Variants in PIK3C3 observed in about 807,000 individuals in gnomAD.
PIK3C3 encodes PI3-kinase type 3.
Under a neutral mutation model 126.1 loss-of-function variants are expected in PIK3C3, and 95 were observed. The ratio of observed to expected loss-of-function variants is 0.75; its 90% CI spans 0.64 to 0.89. PIK3C3 has a LOEUF of 0.89. PIK3C3 is among the 40% of genes least tolerant of loss of function. The pLI is 0.00. For missense variants in PIK3C3, 829 were observed against 1,063.2 expected (o/e 0.78, Z 3.06); for synonymous variants, 374 against 360.0 (o/e 1.04, Z -0.44).
At chr18:41,967,627 A>G (rs1417909805) in intron 3 of PIK3C3, among the ~76,000 whole-genome samples, 3 of 152,222 alleles carry the variant, frequency 2.0e-5, no homozygotes, top group African/African-American at 7.2e-5. Context: ...AGAATAGTCT[A>G]ATTAATAATT....
intron 12 of PIK3C3, 104 bp downstream of exon 12, chr18:42,015,670 C>A: frequency 1.3e-6 from 1 of 776,412 alleles, no homozygotes; most frequent in Admixed American, 2.2e-5. Flanking sequence ...CTAAATATTA[C>A]AACTTTATTA....
chr18:41,963,010 A>G (rs1186627517), intron 3 of PIK3C3, among the ~76,000 whole-genome samples: 1 of 152,168 alleles, frequency 6.6e-6, no homozygotes, highest in Admixed American at 6.5e-5. Flanking sequence ...AAAAGCATTC[A>G]TTAGCTAATG....
chr18:41,964,518 TATATC>T (rs1980257813), intron 3 of PIK3C3, among the ~76,000 whole-genome samples: 1 of 152,100 alleles, frequency 6.6e-6, no homozygotes, highest in Non-Finnish European at 1.5e-5. Context: ...TGATAAATAT[TATATC>T]ATATATTTAT....
intron 4 of PIK3C3, among the ~76,000 whole-genome samples, chr18:41,973,305 A>G (rs1980758586): frequency 6.6e-6 from 1 of 151,998 alleles, no homozygotes; most frequent in Non-Finnish European, 1.5e-5. Flanking sequence ...TTGTTTGATT[A>G]GTGCTTGCTT....
chr18:42,031,350 T>C (rs996279874), intron 15 of PIK3C3, among the ~76,000 whole-genome samples: 4 of 152,190 alleles, frequency 2.6e-5, no homozygotes, highest in Non-Finnish European at 5.9e-5. Context: ...TTCGTTGATC[T>C]CTAGTTTAGG....
chr18:41,996,763 TTATC>T (rs1469478279), intron 9 of PIK3C3, 33 bp downstream of exon 9: 2 of 1,024,460 alleles, frequency 2.0e-6, no homozygotes, highest in Non-Finnish European at 2.9e-6. Context: ...TATATCAAAT[TTATC>T]TACCAACTTT....
chr18:42,013,638 T>G lies in PIK3C3; in HGVS notation c.1325+42T>G, dbSNP rs201673088. ...AGGACATATTTTCTAGTTTGTTAATTTTTCCCTTTTCAAATTGTTTTCTCT... is the reference window on the plus strand; with the variant it reads ...AGGACATATTTTCTAGTTTGTTAATGTTTCCCTTTTCAAATTGTTTTCTCT... On this transcript the variant is annotated intron_variant, in intron 11 of 24. Transcript: ENST00000262039. 287 of 1,409,884 alleles carry G rather than the reference T, an allele frequency of 2.0e-4. 1 individual carries two copies. The African/African-American group carries it at 3.9e-3, about 19-fold the overall frequency. The allele number at this position is 1,409,884 out of a possible 1,614,324, so 87.3% of individuals were successfully genotyped here.
chr18:42,078,823 A>G (rs538056546), intron 24 of PIK3C3, among the ~76,000 whole-genome samples: 3 of 152,254 alleles, frequency 2.0e-5, no homozygotes, highest in Admixed American at 6.5e-5. Context: ...AACCTCATCA[A>G]CCAACCTCTG....
intron 13 of PIK3C3, among the ~76,000 whole-genome samples, chr18:42,023,579 C>G (rs1399908701): frequency 6.6e-6 from 1 of 152,170 alleles, no homozygotes; most frequent in Non-Finnish European, 1.5e-5. Flanking sequence ...CCCATATTTA[C>G]AGTCTGCCTA....
intron 21 of PIK3C3, chr18:42,050,754 T>A (rs551906107): frequency 6.6e-6 from 1 of 152,400 alleles, no homozygotes; most frequent in South Asian, 2.1e-4. Flanking sequence ...ACAATTTGAA[T>A]GAAACCTGAA....
intron 7 of PIK3C3, among the ~76,000 whole-genome samples, chr18:41,995,236 T>A (rs913365696): frequency 1.3e-5 from 2 of 151,944 alleles, no homozygotes; most frequent in African/African-American, 2.4e-5. Flanking sequence ...ATTACAGATA[T>A]ATTAAGGCTG....
At chr18:42,042,611 T>G (rs968858981) in intron 19 of PIK3C3, among the ~76,000 whole-genome samples, 1 of 152,244 alleles carries the variant, frequency 6.6e-6, no homozygotes, top group Non-Finnish European at 1.5e-5. Context: ...AAGTTTTTCA[T>G]TACTTACATT....
chr18:42,057,517 C>CTTAA (rs1158500988), intron 21 of PIK3C3: 1 of 184,074 alleles, frequency 5.4e-6, no homozygotes, highest in African/African-American at 2.4e-5. Flanking sequence ...GGGCACTGTG[C>CTTAA]TTAAACTTTA....
At chr18:42,032,588 G>A (rs1983876098) in intron 15 of PIK3C3, among the ~76,000 whole-genome samples, 1 of 151,626 alleles carries the variant, frequency 6.6e-6, no homozygotes, top group African/African-American at 2.4e-5. Context: ...GAAGTGGCTA[G>A]ATTTCTCTCC....
intron 19 of PIK3C3, among the ~76,000 whole-genome samples, chr18:42,042,555 AC>A (rs1984369811): frequency 1.3e-5 from 2 of 152,324 alleles, no homozygotes; most frequent in East Asian, 3.9e-4. Flanking sequence ...CCTGAAGTGT[AC>A]TTAAAGTTTT....
At position 42,058,046 on chromosome 18, in the gene PIK3C3, G is replaced by A. The variant is rs117351748; in HGVS notation, c.2427G>A (p.Leu809=). 5,339 of 1,577,572 alleles carry A rather than the reference G, an allele frequency of 3.4e-3. 23 individuals carry two copies. Among genetic ancestry groups the A allele is most frequent in the Middle Eastern group, 0.015 (92 of 5,952 alleles). The change falls in exon 22 of 25, where the codon CTG becomes CTA. Residue 809 remains leucine (L), a synonymous_variant. Transcript: ENST00000262039. ...RKQCYTAFLH[L]RRYSNLILNL... ...AGTGTTACACGGCTTTCCTCCACCTGCGAAGGTAAGTTGATTTGCTTGGCA... is the reference window on the plus strand; with the variant it reads ...AGTGTTACACGGCTTTCCTCCACCTACGAAGGTAAGTTGATTTGCTTGGCA...
At chr18:41,966,351 G>A (rs1044878813) in intron 3 of PIK3C3, among the ~76,000 whole-genome samples, 1 of 151,738 alleles carries the variant, frequency 6.6e-6, no homozygotes, top group African/African-American at 2.4e-5. Context: ...TGTATTTTTA[G>A]TATAGGCGGG....
At chr18:41,990,239 G>A (rs542870) in intron 5 of PIK3C3, among the ~76,000 whole-genome samples, 12,290 of 152,088 alleles carry the variant, frequency 0.081, 1,629 homozygotes, top group African/African-American at 0.28. Flanking sequence ...AGTTATAAGT[G>A]CATAGTAGAC....
At chr18:42,076,194 A>ATG (rs1285117512) in intron 24 of PIK3C3, among the ~76,000 whole-genome samples, 6 of 99,534 alleles carry the variant, frequency 6.0e-5, no homozygotes, top group South Asian at 5.5e-4. Context: ...ATATATATGC[A>ATG]CACATATATA....
Sources: gnomAD v4.1 joint callset for allele counts (sites outside exome capture counted in the v4.1 genomes callset) on GRCh38, gnomAD v4.1.1 for gene constraint, MANE v1.5 for transcripts, NCBI Gene and HGNC (gene_info 2026-07-23, HGNC 2026-07-21) for gene names.